Variants in SLC2A9 observed in about 807,000 individuals in gnomAD.
The protein encoded by SLC2A9 is solute carrier family 2, facilitated glucose transporter member 9.
In SLC2A9, 39 loss-of-function variants were observed where a neutral mutation model predicts 50.6. That is an observed-to-expected ratio of 0.77 (90% confidence interval 0.60 to 1.01). SLC2A9 has a LOEUF of 1.01. SLC2A9 is among the 50% of genes least tolerant of loss of function. SLC2A9 has a pLI of 0.00. For synonymous variants in SLC2A9, 324 were observed against 276.9 expected (o/e 1.17, Z -1.69); for missense variants, 686 against 677.6 (o/e 1.01, Z -0.14).
chr4:9,940,672 AT>A (rs1469393802), intron 6 of SLC2A9, among the ~76,000 whole-genome samples: 1 of 152,236 alleles, frequency 6.6e-6, no homozygotes, highest in Admixed American at 6.5e-5. Flanking sequence ...AATGAAGGTA[AT>A]AACAATTACC....
chr4:9,901,705 C>A (rs1300791320), intron 8 of SLC2A9, among the ~76,000 whole-genome samples: 2 of 152,168 alleles, frequency 1.3e-5, no homozygotes, highest in African/African-American at 2.4e-5. Flanking sequence ...CCTCAAGCGG[C>A]AGCCACATCC....
At chr4:9,782,668 T>G in intron 3 of SLC2A9, 1 of 1,614,018 alleles carries the variant, frequency 6.2e-7, no homozygotes, top group Non-Finnish European at 8.5e-7. Context: ...CCGACGTGAA[T>G]GCAGAGAACT....
At chr4:9,954,864 G>T (rs1405029215) in intron 5 of SLC2A9, among the ~76,000 whole-genome samples, 1 of 134,932 alleles carries the variant, frequency 7.4e-6, no homozygotes, top group East Asian at 1.9e-4. Context: ...GTCACAGCTG[G>T]CAATTATTGG....
chr4:9,964,203 G>A (rs768715119), intron 5 of SLC2A9, among the ~76,000 whole-genome samples: 7 of 152,096 alleles, frequency 4.6e-5, no homozygotes, highest in Admixed American at 1.3e-4. Context: ...TATACATGTC[G>A]TGTAGGTTTC....
chr4:9,866,235 T>A (rs1357309294), intron 10 of SLC2A9, among the ~76,000 whole-genome samples: 1 of 151,362 alleles, frequency 6.6e-6, no homozygotes, highest in Non-Finnish European at 1.5e-5. Context: ...ATTATTATTA[T>A]TAATATTATT....
chr4:9,815,095 T>C (rs756389629), intron 3 of SLC2A9, among the ~76,000 whole-genome samples: 1 of 152,176 alleles, frequency 6.6e-6, no homozygotes, highest in Non-Finnish European at 1.5e-5. Context: ...ATTTACTTCA[T>C]GGGTTGTCTC....
At chr4:9,833,061 G>T (rs147774796) in intron 11 of SLC2A9, among the ~76,000 whole-genome samples, 1 of 152,338 alleles carries the variant, frequency 6.6e-6, no homozygotes, top group East Asian at 1.9e-4. Context: ...GCAGCTTGAA[G>T]TTAACTTTTG....
At chr4:10,009,956 C>T (rs1041079899) in intron 2 of SLC2A9, among the ~76,000 whole-genome samples, 1 of 152,196 alleles carries the variant, frequency 6.6e-6, no homozygotes. Flanking sequence ...GGGATGTAGC[C>T]TGTGAATTCT....
chr4:9,957,126 C>G (rs567387278), intron 5 of SLC2A9, among the ~76,000 whole-genome samples: 7 of 152,074 alleles, frequency 4.6e-5, no homozygotes, highest in Admixed American at 1.3e-4. Flanking sequence ...TGATGGGAAC[C>G]AGAAGATGGG....
chr4:9,990,675 C>T (rs971974111), intron 3 of SLC2A9, among the ~76,000 whole-genome samples: 3 of 152,140 alleles, frequency 2.0e-5, no homozygotes, highest in Non-Finnish European at 2.9e-5. Context: ...GCAGGGACAG[C>T]TTGTACCATT....
At chr4:10,005,182 A>C (rs1054557330) in intron 2 of SLC2A9, among the ~76,000 whole-genome samples, 2 of 152,252 alleles carry the variant, frequency 1.3e-5, no homozygotes, top group Admixed American at 1.3e-4. Context: ...AAATGCCATG[A>C]CAATAGGAAG....
intron 6 of SLC2A9, among the ~76,000 whole-genome samples, chr4:9,940,784 A>G (rs1017699154): frequency 5.3e-5 from 8 of 152,242 alleles, no homozygotes; most frequent in Non-Finnish European, 1.0e-4. Context: ...TCATTATGCC[A>G]TTTGTTAACT....
In SLC2A9 at chr4:9,786,990, C is replaced by T. The variant is rs139111490; in HGVS notation, n.386-6925G>A. On this transcript the variant is annotated intron_variant and non_coding_transcript_variant, in intron 3 of 3. Coordinates refer to the SLC2A9 transcript ENST00000503803. ...TGGCCAGGCAGGCAGACTCCAGGTC[C>T]CAGCTCCCTGTCCACAAGGCTACCT... 2.8e-3 allele frequency among the ~76,000 whole-genome samples: 433 copies of T among 152,292 alleles called. 4 individuals carry two copies. The highest frequency in any genetic ancestry group is 9.4e-3 in the African/African-American group (390 of 41,554).
chr4:9,772,223 A>T (rs540436189), intron 1 of SLC2A9, among the ~76,000 whole-genome samples: 1 of 152,206 alleles, frequency 6.6e-6, no homozygotes, highest in Admixed American at 6.5e-5. Flanking sequence ...AGCAAAAAGC[A>T]TCAAGGACCT....
At chr4:9,789,615 T>C (rs1577285753) in intron 3 of SLC2A9, among the ~76,000 whole-genome samples, 2 of 152,182 alleles carry the variant, frequency 1.3e-5, no homozygotes, top group Admixed American at 1.3e-4. Context: ...AAGCGGAGAA[T>C]GTTGAGCCCA....
chr4:10,015,702 A>C (rs1352604419), intron 2 of SLC2A9, among the ~76,000 whole-genome samples: 1 of 152,186 alleles, frequency 6.6e-6, no homozygotes, highest in East Asian at 1.9e-4. Flanking sequence ...GCCGTCTGCA[A>C]GCCAGAAGGA....
At chr4:9,931,954 CTCTCTCTCTATATA>C (rs1295459344) in intron 6 of SLC2A9, among the ~76,000 whole-genome samples, 5 of 50,578 alleles carry the variant, frequency 9.9e-5, no homozygotes, top group East Asian at 9.0e-4. Flanking sequence ...CTCTCTCTCT[CTCTCTCTCTATATA>C]TATATATATA....
At chr4:9,840,808 A>G (rs890195412) in intron 10 of SLC2A9, among the ~76,000 whole-genome samples, 1 of 152,230 alleles carries the variant, frequency 6.6e-6, no homozygotes, top group Non-Finnish European at 1.5e-5. Context: ...TATAAAGAAT[A>G]AAGATTTAAT....
At chr4:9,803,882 C>A (rs1169002915) in intron 3 of SLC2A9, among the ~76,000 whole-genome samples, 1 of 152,166 alleles carries the variant, frequency 6.6e-6, no homozygotes. Context: ...TATGTTAGAT[C>A]CTCTGATACA....
Sources: gnomAD v4.1 joint callset for allele counts (sites outside exome capture counted in the v4.1 genomes callset) on GRCh38, gnomAD v4.1.1 for gene constraint, MANE v1.5 for transcripts, NCBI Gene and HGNC (gene_info 2026-07-23, HGNC 2026-07-21) for gene names.